Variants in YME1L1 observed in about 807,000 individuals in gnomAD.
YME1L1 encodes YME1 like 1 ATPase.
In YME1L1, 39 loss-of-function variants were observed where a neutral mutation model predicts 90.4. The observed-to-expected ratio is 0.43, with a 90% CI of 0.33 to 0.56. The LOEUF (loss-of-function observed/expected upper bound fraction) is 0.56. Ranked by LOEUF, YME1L1 falls within the 20% of genes least tolerant of loss-of-function variation. The pLI, the probability that YME1L1 is intolerant of heterozygous loss-of-function variation, is 0.03. For missense variants in YME1L1, 617 were observed against 868.4 expected (o/e 0.71, Z 3.64); for synonymous variants, 284 against 287.3 (o/e 0.99, Z 0.12).
chr10:27,118,870 A>C (rs1174964571), intron 14 of YME1L1, among the ~76,000 whole-genome samples: 2 of 152,206 alleles, frequency 1.3e-5, no homozygotes, highest in Non-Finnish European at 2.9e-5. Context: ...CCCCACTACC[A>C]GTTTAACTAT....
At chr10:27,147,217 G>A in intron 2 of YME1L1, 1 of 603,878 alleles carries the variant, frequency 1.7e-6, no homozygotes, top group Non-Finnish European at 2.9e-6. Flanking sequence ...GACTGGCCTA[G>A]CATGGTGGCT....
At chr10:27,129,603 C>T (rs567040677) in intron 8 of YME1L1, among the ~76,000 whole-genome samples, 1 of 152,030 alleles carries the variant, frequency 6.6e-6, no homozygotes, top group Non-Finnish European at 1.5e-5. Flanking sequence ...AGATAATTAC[C>T]CAGCCACTAC....
chr10:27,134,427 T>C (rs559393394), intron 6 of YME1L1, among the ~76,000 whole-genome samples: 2 of 152,132 alleles, frequency 1.3e-5, no homozygotes, highest in East Asian at 3.9e-4. Context: ...CCACAAAAAT[T>C]AGCTGGGCGT....
intron 13 of YME1L1, among the ~76,000 whole-genome samples, chr10:27,120,179 ATATG>A (rs1204170023): frequency 6.6e-6 from 1 of 152,118 alleles, no homozygotes; most frequent in Non-Finnish European, 1.5e-5. Flanking sequence ...GTGTGTATGT[ATATG>A]TATGTATCCT....
chr10:27,120,392 T>C, intron 13 of YME1L1, 43 bp downstream of exon 13: 1 of 1,395,664 alleles, frequency 7.2e-7, no homozygotes, highest in Non-Finnish European at 1.0e-6. Flanking sequence ...GAGTGGTATA[T>C]TACCACTTTA....
chr10:27,148,798 C>T (rs966765893), intron 2 of YME1L1, 108 bp downstream of exon 2: 1 of 1,428,954 alleles, frequency 7.0e-7, no homozygotes, highest in Non-Finnish European at 9.5e-7. Context: ...AAAAATTATA[C>T]TCAAATTTTT....
At chr10:27,140,534 A>G (rs2057076479) in intron 4 of YME1L1, among the ~76,000 whole-genome samples, 1 of 152,038 alleles carries the variant, frequency 6.6e-6, no homozygotes, top group African/African-American at 2.4e-5. Context: ...GCTGGAGTTC[A>G]GTGGCGCGGT....
rs759916425 is a variant in YME1L1 at position 27,117,554 on chromosome 10, C to T, written c.1719+22G>A. ...TTGCACTCCAGCCTGGGTGACAGGG[C>T]GAGACACTACAAAAAACTTACATGT... On this transcript the variant is annotated intron_variant, in intron 15 of 18. Transcript: ENST00000376016. 23 of 1,609,748 alleles carry T rather than the reference C, an allele frequency of 1.4e-5. No individual in the cohort carries two copies. In the Admixed American group the frequency reaches 1.5e-4, roughly 11 times the overall value.
chr10:27,140,502 C>T (rs779360267), intron 4 of YME1L1, among the ~76,000 whole-genome samples: 12 of 152,060 alleles, frequency 7.9e-5, no homozygotes, highest in Non-Finnish European at 1.3e-4. Flanking sequence ...TTTTTTGAGA[C>T]GGAGTCTCGC....
rs760424363 is a variant in YME1L1 at position 27,148,863 on chromosome 10, T to C, written c.168+43A>G. 9.9e-6 allele frequency: 16 copies of C among 1,609,348 alleles called. No homozygotes were observed. The African/African-American group carries it at 2.0e-4, about 20-fold the overall frequency. On this transcript the variant is annotated intron_variant, in intron 2 of 18. Transcript: ENST00000376016. ...CCTTCATTTGTTTAAGGGTCAACTGTATATCAAAAAGGCTTTCTCACACAA... is the reference window on the plus strand; with the variant it reads ...CCTTCATTTGTTTAAGGGTCAACTGCATATCAAAAAGGCTTTCTCACACAA...
At chr10:27,130,740 C>A (rs1386184740) in intron 8 of YME1L1, among the ~76,000 whole-genome samples, 1 of 152,200 alleles carries the variant, frequency 6.6e-6, no homozygotes, top group Non-Finnish European at 1.5e-5. Flanking sequence ...GTAATCCCAG[C>A]TACTCTGGAG....
intron 14 of YME1L1, among the ~76,000 whole-genome samples, chr10:27,118,502 G>A (rs2056835856): frequency 2.0e-5 from 3 of 151,488 alleles, no homozygotes; most frequent in Admixed American, 2.0e-4. Context: ...AGCTGATCTT[G>A]AACTCCAACG....
chr10:27,149,567 T>C (rs997896866), intron 1 of YME1L1, among the ~76,000 whole-genome samples: 3 of 150,534 alleles, frequency 2.0e-5, no homozygotes, highest in African/African-American at 4.9e-5. Flanking sequence ...AACAATTAGA[T>C]GGGTGTGATG....
chr10:27,153,047 T>C (rs12251155), intron 1 of YME1L1, among the ~76,000 whole-genome samples: 4,898 of 152,318 alleles, frequency 0.032, 114 homozygotes, highest in African/African-American at 0.065. Flanking sequence ...TTAACTACTA[T>C]GTTCTAGCCA....
chr10:27,140,627 C>T (rs1452614639), intron 4 of YME1L1, among the ~76,000 whole-genome samples: 3 of 151,960 alleles, frequency 2.0e-5, no homozygotes, highest in African/African-American at 4.8e-5. Flanking sequence ...TACAGGCACA[C>T]GCCACCATGC....
intron 10 of YME1L1, 45 bp downstream of exon 10, chr10:27,123,502 C>T: frequency 6.3e-7 from 1 of 1,588,210 alleles, no homozygotes; most frequent in Non-Finnish European, 8.5e-7. Context: ...TACACACTTC[C>T]CTTAACAAAA....
At chr10:27,125,042 T>A (rs1381344272) in intron 9 of YME1L1, among the ~76,000 whole-genome samples, 1 of 152,182 alleles carries the variant, frequency 6.6e-6, no homozygotes, top group Non-Finnish European at 1.5e-5. Context: ...AATAATTTCA[T>A]ACACTGCTGT....
chr10:27,127,987 A>G (rs1174352062), intron 8 of YME1L1, among the ~76,000 whole-genome samples: 1 of 152,244 alleles, frequency 6.6e-6, no homozygotes, highest in Non-Finnish European at 1.5e-5. Flanking sequence ...GTAGGAATAA[A>G]GAAGAGATTA....
At chr10:27,126,982 T>C (rs1189256379) in intron 8 of YME1L1, among the ~76,000 whole-genome samples, 196 bp from the exon 9 acceptor site, 1 of 152,254 alleles carries the variant, frequency 6.6e-6, no homozygotes, top group Admixed American at 6.5e-5. Context: ...TTTCCCATTA[T>C]GCAAAGTCTC....
Sources: gnomAD v4.1 joint callset for allele counts (sites outside exome capture counted in the v4.1 genomes callset) on GRCh38, gnomAD v4.1.1 for gene constraint, MANE v1.5 for transcripts, NCBI Gene and HGNC (gene_info 2026-07-23, HGNC 2026-07-21) for gene names.